The following TET1 variants were observed in gnomAD, a reference collection of about 807,000 sequenced individuals.
TET1 encodes methylcytosine dioxygenase TET1.
In TET1, 13 loss-of-function variants were observed where a neutral mutation model predicts 148.7. The ratio of observed to expected loss-of-function variants is 0.09; its 90% CI spans 0.06 to 0.14. The LOEUF is 0.14. TET1 is among the 10% of genes least tolerant of loss of function. TET1 has a pLI of 1.00. For synonymous variants in TET1, 907 were observed against 937.2 expected (o/e 0.97, Z 0.59); for missense variants, 2,182 against 2,553.8 (o/e 0.85, Z 3.14).
At chr10:68,610,327 G>A (rs1379468404) in intron 3 of TET1, among the ~76,000 whole-genome samples, 1 of 151,582 alleles carries the variant, frequency 6.6e-6, no homozygotes, top group African/African-American at 2.4e-5. Flanking sequence ...ACTTATGCCT[G>A]TAATCCCAGT....
chr10:68,675,466 G>A, intron 8 of TET1, among the ~76,000 whole-genome samples: 1 of 152,068 alleles, frequency 6.6e-6, no homozygotes, highest in Non-Finnish European at 1.5e-5. Flanking sequence ...TATGGGCACT[G>A]CCCCAAAGAA....
chr10:68,633,369 T>G (rs527637324), intron 3 of TET1, among the ~76,000 whole-genome samples: 2 of 54,478 alleles, frequency 3.7e-5, no homozygotes, highest in South Asian at 5.8e-4. Context: ...TTATACTGGG[T>G]TTTTTTTTTA....
At chr10:68,683,035 C>T in intron 10 of TET1, 62 bp downstream of exon 10, 1 of 1,543,892 alleles carries the variant, frequency 6.5e-7, no homozygotes, top group Non-Finnish European at 8.8e-7. Flanking sequence ...GGCTGCAGTC[C>T]TTACGTATAC....
Position 68,645,592 on chromosome 10 carries a change from C to T in TET1, c.2863C>T (p.His955Tyr). ...NLQGEPPKLN[H>Y]CPSLEKQSSC... The stretch of plus-strand genomic sequence containing the variant: ...ACAGGGAGAGCCACCAAAACTTAAT[C>T]ACTGTCCATCTTTGGAAAAACAAAG... Residue 955 changes from histidine (H) to tyrosine (Y), a missense_variant, in exon 4 of 12, where the codon CAC becomes TAC. Transcript: ENST00000373644. The T allele has an allele frequency of 6.2e-7, 1 of 1,614,154 alleles. No individual in the cohort carries two copies. Among genetic ancestry groups the T allele is most frequent in the Non-Finnish European group, 8.5e-7 (1 of 1,180,016 alleles).
At chr10:68,597,005 A>G (rs1399401966) in intron 2 of TET1, among the ~76,000 whole-genome samples, 1 of 111,140 alleles carries the variant, frequency 9.0e-6, no homozygotes, top group African/African-American at 3.9e-5. Flanking sequence ...ATTTTATTTT[A>G]TTTTCATGAT....
intron 2 of TET1, among the ~76,000 whole-genome samples, chr10:68,597,545 C>G (rs1015518310): frequency 1.3e-5 from 2 of 152,172 alleles, no homozygotes; most frequent in African/African-American, 4.8e-5. Flanking sequence ...GGTGCGGCTG[C>G]TATGGTAAAC....
chr10:68,666,325 T>C (rs1301984463), intron 6 of TET1, among the ~76,000 whole-genome samples: 2 of 152,206 alleles, frequency 1.3e-5, no homozygotes, highest in Admixed American at 6.5e-5. Flanking sequence ...TCCAATAACA[T>C]GTAAAAATCA....
chr10:68,569,375 C>T (rs2053642357), intron 1 of TET1, among the ~76,000 whole-genome samples: 1 of 151,722 alleles, frequency 6.6e-6, no homozygotes, highest in African/African-American at 2.4e-5. Flanking sequence ...GGGGTTTCAC[C>T]GTGTTAGCCA....
chr10:68,594,467 G>A (rs950657792), intron 2 of TET1, among the ~76,000 whole-genome samples: 2 of 152,190 alleles, frequency 1.3e-5, no homozygotes, highest in Non-Finnish European at 2.9e-5. Flanking sequence ...ACTGCTGGAA[G>A]GAATCCAGTA....
chr10:68,591,167 A>G (rs182431035), intron 2 of TET1, among the ~76,000 whole-genome samples: 2 of 152,302 alleles, frequency 1.3e-5, no homozygotes, highest in Non-Finnish European at 2.9e-5. Flanking sequence ...TGCATTTTAA[A>G]CAAAAAAAGC....
intron 4 of TET1, among the ~76,000 whole-genome samples, chr10:68,648,538 TA>T (rs1237796529): frequency 6.6e-6 from 1 of 152,212 alleles, no homozygotes; most frequent in Non-Finnish European, 1.5e-5. Flanking sequence ...AAGTCTTACT[TA>T]AAATATGGCT....
Position 68,574,069 on chromosome 10 carries a change from C to G in TET1, c.1731C>G (p.Thr577=). 6.2e-7 allele frequency: 1 copy of G among 1,614,164 alleles called. No individual in the cohort carries two copies. Among genetic ancestry groups the G allele is most frequent in the Admixed American group, 1.7e-5 (1 of 59,996 alleles). Residue 577 remains threonine (T), a synonymous_variant, in exon 2 of 12, where the codon ACC becomes ACG. Coordinates refer to ENST00000373644, the MANE Select transcript of TET1 (RefSeq NM_030625.3). ...PMVSTSSSSY[T]TLLPTLEKKK... ...TCAGTACCTCCTCTTCTTCCTATAC[C>G]ACTTTGCTACCGACTTTGGAAAAGA...
At chr10:68,632,289 T>C in intron 3 of TET1, 1 of 1,200,468 alleles carries the variant, frequency 8.3e-7, no homozygotes, top group Admixed American at 2.3e-5. Context: ...GCCACTGCAC[T>C]CCAGCCTGGG....
At chr10:68,650,783 A>G (rs2054920654) in intron 4 of TET1, among the ~76,000 whole-genome samples, 1 of 152,196 alleles carries the variant, frequency 6.6e-6, no homozygotes, top group African/African-American at 2.4e-5. Flanking sequence ...TTCTTACTAC[A>G]CATGAGTCTA....
Position 68,645,666 on chromosome 10 carries a change from C to T in TET1, c.2937C>T (p.Asn979=). 6.2e-7 allele frequency: 1 copy of T among 1,614,182 alleles called. No individual in the cohort carries two copies. Among genetic ancestry groups the T allele is most frequent in the Non-Finnish European group, 8.5e-7 (1 of 1,180,026 alleles). Residue 979 remains asparagine (N), a synonymous_variant, in exon 4 of 12, where the codon AAC becomes AAT. Transcript: ENST00000373644. ...ATGGGCAAACTACTACCCTTTCCAA[C>T]TCACATATCAACTCAGCTACTAACC... ...VFNGQTTTLS[N]SHINSATNQA...
intron 3 of TET1, among the ~76,000 whole-genome samples, chr10:68,640,132 G>A (rs947177501): frequency 3.9e-5 from 6 of 151,964 alleles, no homozygotes; most frequent in African/African-American, 1.5e-4. Flanking sequence ...TCACCATGTT[G>A]GTCAGGCTGG....
At chr10:68,666,066 T>C (rs1156230458) in intron 6 of TET1, among the ~76,000 whole-genome samples, 1 of 152,170 alleles carries the variant, frequency 6.6e-6, no homozygotes, top group East Asian at 1.9e-4. Flanking sequence ...TTTTGATACA[T>C]GGAGGCAGTT....
intron 6 of TET1, among the ~76,000 whole-genome samples, chr10:68,665,334 A>T (rs947775740): frequency 6.6e-6 from 1 of 152,068 alleles, no homozygotes; most frequent in Non-Finnish European, 1.5e-5. Flanking sequence ...TTTGATTGGG[A>T]TTGCATTGAA....
At chr10:68,595,865 C>T (rs551877279) in intron 2 of TET1, among the ~76,000 whole-genome samples, 1 of 114,934 alleles carries the variant, frequency 8.7e-6, no homozygotes, top group Non-Finnish European at 1.7e-5. Flanking sequence ...ATCAGCCCGC[C>T]ATGGCCTCCC....
Sources: allele counts gnomAD v4.1 joint callset (sites outside exome capture counted in the v4.1 genomes callset), GRCh38; gene constraint gnomAD v4.1.1; transcripts MANE v1.5; gene names NCBI Gene and HGNC (gene_info 2026-07-23, HGNC 2026-07-21).